The following ZNF589 variants were observed in gnomAD, a reference collection of about 807,000 sequenced individuals.
The protein encoded by ZNF589 is zinc finger protein 589.
Under a neutral mutation model 13.6 loss-of-function variants are expected in ZNF589, and 17 were observed. The ratio of observed to expected loss-of-function variants is 1.25; its 90% confidence interval spans 0.86 to 1.88. The LOEUF (loss-of-function observed/expected upper bound fraction) is 1.88. ZNF589 is among the 40% of genes most tolerant of loss of function. The pLI is 0.00. For synonymous variants in ZNF589, 148 were observed against 161.6 expected (o/e 0.92, Z 0.64); for missense variants, 407 against 434.0 (o/e 0.94, Z 0.55).
Position 48,247,682 on chromosome 3 carries a change from G to T in ZNF589, c.96+5G>T. 1 of 1,613,466 alleles carries T rather than the reference G, an allele frequency of 6.2e-7. No individual in the cohort carries two copies. Among genetic ancestry groups the T allele is most frequent in the Non-Finnish European group, 8.5e-7 (1 of 1,179,620 alleles). On this transcript the variant is annotated splice_donor_5th_base_variant and intron_variant, in intron 2 of 3. Coordinates refer to ENST00000354698, the MANE Select transcript of ZNF589 (RefSeq NM_016089.3). The stretch of plus-strand genomic sequence containing the variant: ...GAAGAGAAGCCTAGATATCTGGTGA[G>T]TTGGGCCCGCCCTTCTCTTTTCTGA...
chr3:48,263,658 C>T (rs1246735410), intron 3 of ZNF589, among the ~76,000 whole-genome samples: 3 of 152,150 alleles, frequency 2.0e-5, no homozygotes, highest in Non-Finnish European at 1.5e-5. Flanking sequence ...ACGCAGGAGG[C>T]TGAGGGAGGA....
chr3:48,256,917 C>T (rs1221164946), intron 2 of ZNF589: 1 of 720,506 alleles, frequency 1.4e-6, no homozygotes, highest in Middle Eastern at 2.4e-4. Context: ...CAGCCAGACA[C>T]CAGAGCCTCA....
chr3:48,248,119 C>T (rs2033790997), intron 2 of ZNF589, among the ~76,000 whole-genome samples: 1 of 152,182 alleles, frequency 6.6e-6, no homozygotes, highest in South Asian at 2.1e-4. Flanking sequence ...TCCATCATCC[C>T]ACTTCAGCAG....
At chr3:48,263,352 C>T (rs777905251) in intron 3 of ZNF589, among the ~76,000 whole-genome samples, 20 of 152,186 alleles carry the variant, frequency 1.3e-4, no homozygotes, top group Non-Finnish European at 1.9e-4. Flanking sequence ...TCAGATGATC[C>T]GCCTGCCTCC....
At chr3:48,241,533 T>C (rs2033698815) in intron 1 of ZNF589, among the ~76,000 whole-genome samples, 1 of 152,230 alleles carries the variant, frequency 6.6e-6, no homozygotes, top group Non-Finnish European at 1.5e-5. Context: ...ATTATTATAT[T>C]ATATCATATT....
At chr3:48,264,778 A>G (rs1052910111) in intron 3 of ZNF589, among the ~76,000 whole-genome samples, 1 of 151,902 alleles carries the variant, frequency 6.6e-6, no homozygotes, top group African/African-American at 2.4e-5. Context: ...GCAGTGAGCC[A>G]GGATCACGCC....
rs747897055 is a variant in ZNF589, at chr3:48,247,615, C to G, written c.44-10C>G. The G allele has an allele frequency of 1.9e-4, 310 of 1,611,382 alleles. 1 individual carries two copies. The highest frequency in any genetic ancestry group is 2.5e-4 in the Non-Finnish European group (292 of 1,178,872). On this transcript the variant is annotated splice_polypyrimidine_tract_variant and intron_variant, in intron 1 of 3. Coordinates refer to ENST00000354698, the MANE Select transcript of ZNF589 (RefSeq NM_016089.3). ...GCTGGCTTCTCAAGGTTGCTTCTTT[C>G]TTTCCCCAGCTCTGCCTGCCAAGGA...
chr3:48,246,786 A>T (rs1469519932), intron 1 of ZNF589, among the ~76,000 whole-genome samples: 1 of 152,024 alleles, frequency 6.6e-6, no homozygotes, highest in Non-Finnish European at 1.5e-5. Flanking sequence ...CTCCTGCCTC[A>T]GCCTCCTGAG....
chr3:48,256,641 G>C, intron 2 of ZNF589: 1 of 1,007,252 alleles, frequency 9.9e-7, no homozygotes, highest in Non-Finnish European at 1.6e-6. Flanking sequence ...TTTCGGGGCA[G>C]CATGCCTCCA....
In ZNF589 at chr3:48,268,064, G is replaced by A; in HGVS notation, c.373G>A (p.Asp125Asn). ...CCACCCAGGAAATCCCTGCCCAGAGGATCAGCCACAGTCACAACATCCTTC... is the reference window on the plus strand; with the variant it reads ...CCACCCAGGAAATCCCTGCCCAGAGAATCAGCCACAGTCACAACATCCTTC... Reference protein sequence around the residue: ...QLHPGNPCPEDQPQSQHPSDK... With the variant: ...QLHPGNPCPENQPQSQHPSDK... Residue 125 changes from aspartate (D) to asparagine (N), a missense_variant, in exon 4 of 4, where the codon GAT becomes AAT. Physicochemically the swap from Asp to Asn is conservative, Grantham distance 23 (BLOSUM62 1). Coordinates refer to ENST00000354698, the MANE Select transcript of ZNF589 (RefSeq NM_016089.3). The A allele has an allele frequency of 6.2e-7, 1 of 1,614,196 alleles. No individual in the cohort carries two copies. Among genetic ancestry groups the A allele is most frequent in the Non-Finnish European group, 8.5e-7 (1 of 1,180,048 alleles).
chr3:48,252,858 G>A (rs1430566542), intron 2 of ZNF589, among the ~76,000 whole-genome samples: 1 of 151,644 alleles, frequency 6.6e-6, no homozygotes, highest in African/African-American at 2.4e-5. Flanking sequence ...TCCTGACCTC[G>A]TGATCCACAC....
intron 3 of ZNF589, among the ~76,000 whole-genome samples, chr3:48,261,282 T>C (rs2033967557): frequency 6.6e-6 from 1 of 152,018 alleles, no homozygotes; most frequent in African/African-American, 2.4e-5. Flanking sequence ...GGTAGGCCTC[T>C]ATGAGGAAGT....
intron 1 of ZNF589, among the ~76,000 whole-genome samples, chr3:48,246,890 G>C (rs549386417): frequency 1.1e-4 from 17 of 151,188 alleles, no homozygotes; most frequent in African/African-American, 4.1e-4. Flanking sequence ...GGATGGTCTC[G>C]ATCTCCTGAC....
chr3:48,253,370 A>G (rs186521854), intron 2 of ZNF589, among the ~76,000 whole-genome samples: 1 of 152,162 alleles, frequency 6.6e-6, no homozygotes, highest in East Asian at 1.9e-4. Flanking sequence ...AATGGTGGTT[A>G]TTAACTAAAG....
intron 2 of ZNF589, among the ~76,000 whole-genome samples, chr3:48,259,513 C>T (rs946310451): frequency 2.0e-5 from 3 of 152,088 alleles, no homozygotes; most frequent in South Asian, 4.1e-4. Flanking sequence ...CCTAGAGTGC[C>T]AAGGACCACT....
chr3:48,267,558 A>C (rs1310848683), intron 3 of ZNF589, among the ~76,000 whole-genome samples: 5 of 151,990 alleles, frequency 3.3e-5, no homozygotes, highest in Non-Finnish European at 7.4e-5. Flanking sequence ...CACTCCACCC[A>C]GCTAATTTTT....
At chr3:48,243,624 C>T (rs1252337232) in intron 1 of ZNF589, among the ~76,000 whole-genome samples, 1 of 151,964 alleles carries the variant, frequency 6.6e-6, no homozygotes, top group Non-Finnish European at 1.5e-5. Flanking sequence ...CCAGCCTGGC[C>T]AACATAGTGA....
chr3:48,263,737 C>A (rs533743414), intron 3 of ZNF589, among the ~76,000 whole-genome samples: 5 of 152,154 alleles, frequency 3.3e-5, no homozygotes, highest in South Asian at 2.1e-4. Context: ...CCAACCTGGG[C>A]AACAGAGCAA....
At chr3:48,260,634 C>G (rs1009334950) in intron 2 of ZNF589, among the ~76,000 whole-genome samples, 179 bp from the exon 3 acceptor site, 1 of 152,166 alleles carries the variant, frequency 6.6e-6, no homozygotes, top group Non-Finnish European at 1.5e-5. Context: ...GTCTCGAACT[C>G]CTGACCTCAA....
Sources: gnomAD v4.1 joint callset for allele counts (sites outside exome capture counted in the v4.1 genomes callset) on GRCh38, gnomAD v4.1.1 for gene constraint, MANE v1.5 for transcripts, NCBI Gene and HGNC (gene_info 2026-07-23, HGNC 2026-07-21) for gene names.